DPPA2: variants seen among roughly 807,000 people sequenced by gnomAD.
DPPA2 encodes the protein developmental pluripotency-associated protein 2.
DPPA2 carries 26 observed loss-of-function variants against 36.2 expected under a neutral mutation model. That is an observed-to-expected ratio of 0.72 (90% CI 0.53 to 1.00). The LOEUF is 1.00. DPPA2 is among the 50% of genes least tolerant of loss of function. The probability of loss-of-function intolerance (pLI) is 0.00; values close to 1 mark genes in which losing one functional copy is unlikely to be tolerated. For missense variants in DPPA2, 361 were observed against 365.1 expected, an observed-to-expected ratio of 0.99 and a Z score of 0.09; for synonymous variants, 113 against 123.2, an observed-to-expected ratio of 0.92 and a Z score of 0.55.
At chr3:109,297,537 A>G (rs1029728841) in intron 8 of DPPA2, among the ~76,000 whole-genome samples, 1 of 152,016 alleles carries the variant, frequency 6.6e-6, no homozygotes, top group African/African-American at 2.4e-5. Flanking sequence ...TCTCAAAAAA[A>G]AAAAAAGCAC....
At position 109,308,209 on chromosome 3, in the gene DPPA2, T is replaced by C; in HGVS notation, c.481A>G (p.Arg161Gly). 1 of 1,614,232 alleles carries C rather than the reference T, an allele frequency of 6.2e-7. No homozygotes were observed. Among genetic ancestry groups the C allele is most frequent in the Non-Finnish European group, 8.5e-7 (1 of 1,180,044 alleles). Residue 161 changes from arginine (R) to glycine (G), a missense_variant, in exon 6 of 9, where the codon AGA becomes GGA. By Grantham distance (125) the Arg-to-Gly change is moderately radical (BLOSUM62 -2). Transcript: ENST00000478945. Reference sequence around the variant, plus strand: ...GCTCTCTCATTCATCTCATAACTTCTCTGAAGCCTTGCTCTCTTGGTCACT... The same window carrying C: ...GCTCTCTCATTCATCTCATAACTTCCCTGAAGCCTTGCTCTCTTGGTCACT... ...KAVTKRARLQRSYEMNERAEE... is the reference protein window; with the variant it reads ...KAVTKRARLQGSYEMNERAEE...
rs1707436813 is a variant in DPPA2 at position 109,300,386 on chromosome 3, G to T, written c.*7C>A. 6.2e-7 allele frequency: 1 copy of T among 1,613,358 alleles called. No individual in the cohort carries two copies. The highest frequency in any genetic ancestry group is 2.2e-5 in the East Asian group (1 of 44,868). Reference sequence around the variant, plus strand: ...CATCTCTTACATTGTATTCAAACAGGTTGCTGCTACTTCTCTACTGTCATT... The same window carrying T: ...CATCTCTTACATTGTATTCAAACAGTTTGCTGCTACTTCTCTACTGTCATT... On this transcript the variant is annotated 3_prime_UTR_variant, in exon 8 of 9. Coordinates refer to ENST00000478945, the MANE Select transcript of DPPA2 (RefSeq NM_138815.4).
intron 1 of DPPA2, among the ~76,000 whole-genome samples, chr3:109,315,999 C>A (rs1559701324): frequency 6.6e-6 from 1 of 152,232 alleles, no homozygotes; most frequent in Non-Finnish European, 1.5e-5. Context: ...CATCCTGAAT[C>A]AGATCATGGA....
At chr3:109,296,261 A>C (rs185993613) in intron 8 of DPPA2, among the ~76,000 whole-genome samples, 1 of 152,340 alleles carries the variant, frequency 6.6e-6, no homozygotes, top group Non-Finnish European at 1.5e-5. Context: ...AAAGACAAAT[A>C]GAAAATCGTA....
intron 8 of DPPA2, among the ~76,000 whole-genome samples, 159 bp downstream of exon 8, chr3:109,300,212 A>G (rs957626742): frequency 2.0e-5 from 3 of 152,170 alleles, no homozygotes; most frequent in Non-Finnish European, 4.4e-5. Flanking sequence ...CACCATTTGT[A>G]CTTCCTGGTA....
chr3:109,298,608 C>T (rs531820541), intron 8 of DPPA2, among the ~76,000 whole-genome samples: 2 of 151,200 alleles, frequency 1.3e-5, no homozygotes, highest in African/African-American at 2.4e-5. Context: ...CCCAGCTACT[C>T]GGAAGGCTGA....
chr3:109,315,443 C>T (rs1026310775), intron 1 of DPPA2, among the ~76,000 whole-genome samples: 2 of 152,056 alleles, frequency 1.3e-5, no homozygotes, highest in East Asian at 3.9e-4. Flanking sequence ...AACACCAAGG[C>T]AAGTGGTGGA....
At chr3:109,306,548 G>T (rs752514391) in intron 6 of DPPA2, among the ~76,000 whole-genome samples, 1 of 152,008 alleles carries the variant, frequency 6.6e-6, no homozygotes, top group Non-Finnish European at 1.5e-5. Flanking sequence ...GAAAATGGGG[G>T]AGTAAAAAAA....
At chr3:109,296,928 A>G (rs1286219536) in intron 8 of DPPA2, among the ~76,000 whole-genome samples, 1 of 152,044 alleles carries the variant, frequency 6.6e-6, no homozygotes, top group Non-Finnish European at 1.5e-5. Context: ...CTCTACAAAA[A>G]AAAATAGAAA....
chr3:109,307,980 A>C, intron 6 of DPPA2, 52 bp downstream of exon 6: 1 of 1,574,392 alleles, frequency 6.4e-7, no homozygotes. Flanking sequence ...TGGACTAATA[A>C]AAGTTAACCT....
chr3:109,295,248 G>A (rs1318937028), intron 8 of DPPA2: 1 of 151,410 alleles, frequency 6.6e-6, no homozygotes, highest in South Asian at 2.1e-4. Context: ...GGCCAGGTGT[G>A]GTGGCTCACA....
intron 5 of DPPA2, 118 bp from the exon 6 acceptor site, chr3:109,308,411 G>A (rs1707620146): frequency 2.3e-6 from 3 of 1,325,690 alleles, no homozygotes; most frequent in Non-Finnish European, 3.0e-6. Flanking sequence ...TGCCCAGGCT[G>A]GAGTGCAATG....
intron 2 of DPPA2, 119 bp from the exon 3 acceptor site, chr3:109,312,811 T>A (rs1274553935): frequency 8.2e-7 from 1 of 1,218,060 alleles, no homozygotes; most frequent in Non-Finnish European, 1.1e-6. Flanking sequence ...GAGAAAAGAA[T>A]TACTGGGATT....
chr3:109,308,055 T>G lies in DPPA2; in HGVS notation c.635A>C (p.Glu212Ala). ...ACCAGAGGCTTGCATCAAAAAGGCCTCAACAGAAACAGGAATGGAACATGA... is the reference window on the plus strand; with the variant it reads ...ACCAGAGGCTTGCATCAAAAAGGCCGCAACAGAAACAGGAATGGAACATGA... ...LNSCSIPVSV[E>A]AFLMQASGVR... Residue 212 changes from glutamate (E) to alanine (A), a missense_variant, in exon 6 of 9, where the codon GAG becomes GCG. Coordinates refer to ENST00000478945, the MANE Select transcript of DPPA2 (RefSeq NM_138815.4). 6.2e-7 allele frequency: 1 copy of G among 1,614,184 alleles called. No homozygotes were observed. Among genetic ancestry groups the G allele is most frequent in the Non-Finnish European group, 8.5e-7 (1 of 1,180,016 alleles).
chr3:109,303,463 C>A (rs1178086012), intron 7 of DPPA2, among the ~76,000 whole-genome samples: 2 of 151,840 alleles, frequency 1.3e-5, no homozygotes, highest in Admixed American at 1.3e-4. Flanking sequence ...CTCTGCCTCC[C>A]GGGTTCAGCG....
chr3:109,304,611 G>A lies in DPPA2; in HGVS notation c.718C>T (p.Arg240Cys), dbSNP rs748847987. The change falls in exon 7 of 9, where the codon CGC (arginine) becomes TGC (cysteine). Residue 240 changes from arginine (R) to cysteine (C), a missense_variant. Arg to Cys is a radical substitution (Grantham distance 180). Transcript: ENST00000478945. Reference protein sequence around the residue: ...LLSADTKGWVRLQFHAGQAWV... With the variant: ...LLSADTKGWVCLQFHAGQAWV... The stretch of plus-strand genomic sequence containing the variant: ...GCCTGACCTGCATGAAACTGCAGGC[G>A]TACCCAACCCTTTGTGTCTGCCGAG... The A allele has an allele frequency of 1.1e-5, 17 of 1,613,730 alleles. No homozygotes were observed. In the East Asian group the frequency reaches 1.3e-4, roughly 13 times the overall value.
At chr3:109,298,730 A>AATAATAATG (rs1258921947) in intron 8 of DPPA2, among the ~76,000 whole-genome samples, 1 of 138,692 alleles carries the variant, frequency 7.2e-6, no homozygotes, top group Non-Finnish European at 1.6e-5. Flanking sequence ...TAATAATAAT[A>AATAATAATG]ATAATAATAA....
intron 8 of DPPA2, among the ~76,000 whole-genome samples, chr3:109,297,115 T>A (rs897657993): frequency 6.6e-6 from 1 of 151,168 alleles, no homozygotes; most frequent in African/African-American, 2.4e-5. Context: ...AGTTAAAAAA[T>A]AAAAATTGTG....
At position 109,309,007 on chromosome 3, in the gene DPPA2, C is replaced by T; in HGVS notation, c.396+19G>A. 2 of 1,614,134 alleles carry T rather than the reference C, an allele frequency of 1.2e-6. No homozygotes were observed. Among genetic ancestry groups the T allele is most frequent in the African/African-American group, 2.7e-5 (2 of 75,056 alleles). ...TGATCAGAACCCACCTTCACACCAT[C>T]AACACACTCATTACTCACTTGCCGT... On this transcript the variant is annotated intron_variant, in intron 5 of 8. Transcript: ENST00000478945.
Sources: gnomAD v4.1 joint callset for allele counts (sites outside exome capture counted in the v4.1 genomes callset) on GRCh38, gnomAD v4.1.1 for gene constraint, MANE v1.5 for transcripts, NCBI Gene and HGNC (gene_info 2026-07-23, HGNC 2026-07-21) for gene names.